The following FBXO16 variants were observed in gnomAD, a reference collection of about 807,000 sequenced individuals.
FBXO16 encodes F-box only protein 16.
Under a neutral mutation model 41.0 loss-of-function variants are expected in FBXO16, and 31 were observed. The observed-to-expected ratio is 0.76, with a 90% CI of 0.57 to 1.02. The LOEUF (loss-of-function observed/expected upper bound fraction) is 1.02, where lower values mean the gene tolerates loss of function less well. FBXO16 is among the 50% of genes least tolerant of loss of function. FBXO16 has a pLI of 0.00. For synonymous variants in FBXO16, 133 were observed against 117.8 expected (o/e 1.13, Z -0.84); for missense variants, 361 against 346.2 (o/e 1.04, Z -0.34).
At chr8:28,480,225 T>G (rs901547803) in intron 2 of FBXO16, among the ~76,000 whole-genome samples, 2 of 152,196 alleles carry the variant, frequency 1.3e-5, no homozygotes, top group African/African-American at 4.8e-5. Context: ...TATTTCTCAC[T>G]ATTCCAATCT....
chr8:28,432,003 T>G (rs772735036), intron 7 of FBXO16, among the ~76,000 whole-genome samples: 8 of 136,766 alleles, frequency 5.8e-5, no homozygotes, highest in African/African-American at 1.1e-4. Flanking sequence ...ATACTGCATA[T>G]GTAGTGAGCA....
chr8:28,435,882 T>C (rs1277877220), intron 7 of FBXO16, among the ~76,000 whole-genome samples: 2 of 152,216 alleles, frequency 1.3e-5, no homozygotes, highest in Non-Finnish European at 2.9e-5. Context: ...CCCACCCCTA[T>C]CTGTCCAGGC....
chr8:28,474,765 C>T (rs1367133235), intron 2 of FBXO16, among the ~76,000 whole-genome samples: 2 of 152,210 alleles, frequency 1.3e-5, no homozygotes, highest in Admixed American at 6.5e-5. Context: ...TTCATCTTGA[C>T]ATCTCCAGTA....
chr8:28,459,061 T>C (rs2130142344), intron 4 of FBXO16, among the ~76,000 whole-genome samples: 1 of 152,294 alleles, frequency 6.6e-6, no homozygotes, highest in East Asian at 1.9e-4. Context: ...GATGATAGAA[T>C]TAGCTATTTC....
intron 7 of FBXO16, among the ~76,000 whole-genome samples, chr8:28,445,167 T>A (rs1802844322): frequency 6.6e-6 from 1 of 152,138 alleles, no homozygotes; most frequent in Admixed American, 6.5e-5. Flanking sequence ...TTATAATTAG[T>A]ATATTTACAA....
At chr8:28,458,544 CTTTTTTTTTTT>C (rs34617439) in intron 4 of FBXO16, among the ~76,000 whole-genome samples, 1 of 87,566 alleles carries the variant, frequency 1.1e-5, no homozygotes, top group African/African-American at 4.0e-5. Context: ...TCTTCTTCTT[CTTTTTTTTTTT>C]TTTTTTTTTT....
chr8:28,485,351 TTAG>T (rs918889658), intron 1 of FBXO16, among the ~76,000 whole-genome samples: 110 of 152,206 alleles, frequency 7.2e-4, no homozygotes, highest in African/African-American at 2.6e-3. Context: ...TTTTGTATTT[TTAG>T]TAGAGATGGG....
chr8:28,470,036 C>CA (rs914346856), intron 3 of FBXO16, among the ~76,000 whole-genome samples: 6 of 148,496 alleles, frequency 4.0e-5, no homozygotes, highest in South Asian at 4.3e-4. Flanking sequence ...ACTAAAAATA[C>CA]AAAAAAAATT....
At chr8:28,460,225 G>GTATATATATATATATA (rs771679568) in intron 4 of FBXO16, among the ~76,000 whole-genome samples, 15 of 75,222 alleles carry the variant, frequency 2.0e-4, no homozygotes, top group African/African-American at 9.9e-4. Flanking sequence ...ATATGTGTGT[G>GTATATATATATATATA]TATATATATA....
intron 5 of FBXO16, among the ~76,000 whole-genome samples, chr8:28,455,275 T>C (rs966681451): frequency 2.0e-5 from 3 of 151,618 alleles, no homozygotes; most frequent in Non-Finnish European, 4.4e-5. Flanking sequence ...AGTATTGCTC[T>C]GTCACCCAGG....
rs749085909 is a variant in FBXO16, at chr8:28,456,807, A to G, written c.466T>C (p.Tyr156His). The G allele has an allele frequency of 1.2e-6, 2 of 1,614,040 alleles. No individual in the cohort carries two copies. The highest frequency in any genetic ancestry group is 2.7e-5 in the African/African-American group (2 of 74,932). ...TGAAGTTCTTTCACCATTTGAATAT[A>G]GTGCTTCTTCCAGATCCCCTGCTCA... ...PFEQGIWKKH[Y>H]IQMVKELHIT... is the part of the protein sequence containing the mutation. The change falls in exon 5 of 9, where the codon TAT becomes CAT. Residue 156 changes from tyrosine (Y) to histidine (H), a missense_variant. Coordinates refer to ENST00000380254, the MANE Select transcript of FBXO16 (RefSeq NM_172366.4).
rs1450627363 is a variant in FBXO16 at position 28,463,651 on chromosome 8, A to C, written c.303T>G (p.Phe101Leu). Residue 101 changes from phenylalanine (F) to leucine (L), a missense_variant, in exon 4 of 9, where the codon TTT becomes TTG. Transcript: ENST00000380254. The stretch of plus-strand genomic sequence containing the variant: ...AAAGGCTCCGAGGGTCCAGGAAAGA[A>C]AAGATGTATAAAGATAACACCCTTG... ...KLPRVLSLYI[F>L]SFLDPRSLCR... The C allele has an allele frequency of 6.2e-7, 1 of 1,614,050 alleles. No homozygotes were observed. Among genetic ancestry groups the C allele is most frequent in the Non-Finnish European group, 8.5e-7 (1 of 1,180,030 alleles).
At chr8:28,433,753 A>C (rs1178921982) in intron 7 of FBXO16, among the ~76,000 whole-genome samples, 1 of 152,130 alleles carries the variant, frequency 6.6e-6, no homozygotes, top group Non-Finnish European at 1.5e-5. Flanking sequence ...TGGACTTTGC[A>C]TGGGGATAGA....
intron 4 of FBXO16, among the ~76,000 whole-genome samples, chr8:28,460,998 G>C (rs955225245): frequency 1.3e-5 from 2 of 151,928 alleles, no homozygotes; most frequent in Non-Finnish European, 2.9e-5. Context: ...GCCTCCCAAA[G>C]TGCTGGGATT....
intron 3 of FBXO16, among the ~76,000 whole-genome samples, chr8:28,469,919 A>G (rs1803305412): frequency 7.0e-6 from 1 of 142,948 alleles, no homozygotes; most frequent in Admixed American, 7.0e-5. Context: ...AATAATAATA[A>G]TAGGCCGGGC....
At chr8:28,449,980 G>GA (rs1278726556) in intron 6 of FBXO16, among the ~76,000 whole-genome samples, 7,516 of 82,296 alleles carry the variant, frequency 0.091, 288 homozygotes, top group African/African-American at 0.17. Context: ...AAAAAAAAAA[G>GA]AAAAAAAAAA....
chr8:28,459,420 C>G (rs879552360), intron 4 of FBXO16, among the ~76,000 whole-genome samples: 9 of 151,916 alleles, frequency 5.9e-5, no homozygotes, highest in African/African-American at 2.2e-4. Flanking sequence ...GAGTTCCAGA[C>G]CTGTCTGGCC....
At chr8:28,442,568 G>A (rs941689754) in intron 7 of FBXO16, among the ~76,000 whole-genome samples, 2 of 152,042 alleles carry the variant, frequency 1.3e-5, no homozygotes, top group Non-Finnish European at 2.9e-5. Context: ...ATTTTTAGTA[G>A]AGATGGGGTT....
At chr8:28,463,234 GTT>G (rs773407884) in intron 4 of FBXO16, among the ~76,000 whole-genome samples, 4 of 140,904 alleles carry the variant, frequency 2.8e-5, no homozygotes, top group African/African-American at 1.3e-4. Context: ...CCGTGTGTGT[GTT>G]TGTGTACACG....
Sources: allele counts gnomAD v4.1 joint callset (sites outside exome capture counted in the v4.1 genomes callset), GRCh38; gene constraint gnomAD v4.1.1; transcripts MANE v1.5; gene names NCBI Gene and HGNC (gene_info 2026-07-23, HGNC 2026-07-21).